The following LRRC7 variants were observed in gnomAD, a reference collection of about 807,000 sequenced individuals.
LRRC7 encodes leucine rich repeat containing 7.
Under a neutral mutation model 175.7 loss-of-function variants are expected in LRRC7, and 23 were observed. That is an observed-to-expected ratio of 0.13 (90% CI 0.09 to 0.19). The LOEUF (loss-of-function observed/expected upper bound fraction) is 0.19, where lower values mean the gene tolerates loss of function less well. LRRC7 is among the 10% of genes least tolerant of loss of function. The probability of loss-of-function intolerance (pLI) is 1.00; values close to 1 mark genes in which losing one functional copy is unlikely to be tolerated. For synonymous variants in LRRC7, 685 were observed against 680.9 expected, an observed-to-expected ratio of 1.01 and a Z score of -0.09; for missense variants, 1,354 against 1,904.7, an observed-to-expected ratio of 0.71 and a Z score of 5.38.
chr1:69,699,763 T>C (rs950517815), intron 2 of LRRC7, among the ~76,000 whole-genome samples: 4 of 152,204 alleles, frequency 2.6e-5, no homozygotes, highest in Non-Finnish European at 5.9e-5. Flanking sequence ...CTACTTCTGA[T>C]GGACAGGAAA....
At chr1:70,096,887 C>T (rs569652795) in intron 25 of LRRC7, among the ~76,000 whole-genome samples, 1 of 152,216 alleles carries the variant, frequency 6.6e-6, no homozygotes, top group South Asian at 2.1e-4. Flanking sequence ...ATGACTTTTA[C>T]TTCTAAATCT....
chr1:70,038,304 C>T lies in LRRC7; in HGVS notation c.2480C>T (p.Ala827Val), dbSNP rs144821920. ...FVAEETTAEN[A>V]NSNPLLSSKS... is the part of the protein sequence containing the mutation. ...GCTGAGGAAACCACAGCCGAGAATG[C>T]CAACAGTAATCCTCTCTTAAGTTCG... The change falls in exon 21 of 27, where the codon GCC becomes GTC. Residue 827 changes from alanine to valine, a missense_variant. Around this residue, in one of 4 missense-constraint regions of LRRC7, gnomAD observed 1,032 missense variants for 1,227.2 expected, o/e 0.84. Coordinates refer to ENST00000651989, the MANE Select transcript of LRRC7 (RefSeq NM_001370785.2). The T allele has an allele frequency of 6.2e-7, 1 of 1,614,080 alleles. No homozygotes were observed. The highest frequency in any genetic ancestry group is 8.5e-7 in the Non-Finnish European group (1 of 1,180,002).
At chr1:69,618,089 A>C (rs1402001544) in intron 1 of LRRC7, among the ~76,000 whole-genome samples, 1 of 152,096 alleles carries the variant, frequency 6.6e-6, no homozygotes, top group Non-Finnish European at 1.5e-5. Context: ...GGTGTCCCTT[A>C]ATTAGAGTTC....
chr1:69,791,936 C>G, intron 3 of LRRC7, 107 bp from the exon 4 acceptor site: 1 of 666,430 alleles, frequency 1.5e-6, no homozygotes, highest in Non-Finnish European at 2.6e-6. Flanking sequence ...TTATAACTGG[C>G]TCTTTTACTA....
chr1:69,699,960 T>G (rs2100692034), intron 2 of LRRC7, among the ~76,000 whole-genome samples: 1 of 152,340 alleles, frequency 6.6e-6, no homozygotes, highest in Admixed American at 6.5e-5. Flanking sequence ...CTCACTAAAC[T>G]GAAGTAGTAG....
intron 7 of LRRC7, among the ~76,000 whole-genome samples, chr1:69,906,203 G>T (rs1250806353): frequency 6.6e-5 from 10 of 152,064 alleles, no homozygotes; most frequent in Non-Finnish European, 1.5e-4. Context: ...CTCCCATTTT[G>T]TGGGTTGCCT....
At chr1:69,778,786 T>C (rs1183919206) in intron 3 of LRRC7, among the ~76,000 whole-genome samples, 1 of 152,038 alleles carries the variant, frequency 6.6e-6, no homozygotes, top group Non-Finnish European at 1.5e-5. Flanking sequence ...TCTCTCTGGC[T>C]CACTGACCTT....
At chr1:69,732,861 A>G (rs1187587935) in intron 2 of LRRC7, among the ~76,000 whole-genome samples, 1 of 152,074 alleles carries the variant, frequency 6.6e-6, no homozygotes, top group Non-Finnish European at 1.5e-5. Context: ...ATAGATATAA[A>G]GCATATTTAT....
At chr1:69,619,429 T>C (rs944082508) in intron 1 of LRRC7, among the ~76,000 whole-genome samples, 1 of 152,162 alleles carries the variant, frequency 6.6e-6, no homozygotes, top group African/African-American at 2.4e-5. Context: ...TCCTTATCAT[T>C]ATCATTCATT....
At chr1:69,919,166 A>G (rs894462662) in intron 7 of LRRC7, among the ~76,000 whole-genome samples, 2 of 152,182 alleles carry the variant, frequency 1.3e-5, no homozygotes, top group African/African-American at 4.8e-5. Flanking sequence ...GTTTAATTCT[A>G]ACTGCCACCA....
chr1:69,568,499 C>CCTT lies in LRRC7; in HGVS notation c.-138_-136dup, dbSNP rs1407091815. 1.1e-5 allele frequency: 7 copies of CCTT among 635,474 alleles called. No individual in the cohort carries two copies. Among genetic ancestry groups the CCTT allele is most frequent in the Non-Finnish European group, 1.4e-5 (6 of 421,140 alleles). The allele number at this position is 635,474 out of a possible 1,614,324, so 39.4% of individuals were successfully genotyped here. The stretch of plus-strand genomic sequence containing the variant: ...TCCCCTCTATCTCCTGTTCTTCCTA[C>CCTT]CTTCTACTCCTTCCCTCCTCTTCTC... On this transcript the variant is annotated 5_prime_UTR_variant, in exon 1 of 27. Coordinates refer to ENST00000651989, the MANE Select transcript of LRRC7 (RefSeq NM_001370785.2).
At chr1:69,604,307 C>A (rs1647218838) in intron 1 of LRRC7, among the ~76,000 whole-genome samples, 1 of 152,104 alleles carries the variant, frequency 6.6e-6, no homozygotes, top group African/African-American at 2.4e-5. Flanking sequence ...AAGTTAAATG[C>A]TACCATTTTA....
At chr1:69,927,346 T>C (rs928272558) in intron 7 of LRRC7, among the ~76,000 whole-genome samples, 171 of 152,332 alleles carry the variant, frequency 1.1e-3, no homozygotes, top group African/African-American at 4.0e-3. Context: ...TGAATCTGAA[T>C]GTTGGCCTGC....
At chr1:69,930,987 A>G (rs1237893802) in intron 7 of LRRC7, among the ~76,000 whole-genome samples, 1 of 152,206 alleles carries the variant, frequency 6.6e-6, no homozygotes, top group Non-Finnish European at 1.5e-5. Flanking sequence ...ACAGACCAAA[A>G]CTGTATCAGT....
chr1:70,085,208 A>T (rs201627691), intron 24 of LRRC7, among the ~76,000 whole-genome samples: 1 of 152,122 alleles, frequency 6.6e-6, no homozygotes, highest in Non-Finnish European at 1.5e-5. Context: ...ATCATTGCCT[A>T]ATCTAAGGTG....
intron 7 of LRRC7, chr1:69,919,816 C>T: frequency 2.6e-6 from 2 of 769,320 alleles, no homozygotes; most frequent in Non-Finnish European, 2.2e-6. Context: ...ATTCCGGCAT[C>T]CACGTCATTG....
At chr1:70,091,198 A>G (rs1283546954) in intron 25 of LRRC7, among the ~76,000 whole-genome samples, 1 of 152,178 alleles carries the variant, frequency 6.6e-6, no homozygotes, top group Non-Finnish European at 1.5e-5. Context: ...GATGTTGAGG[A>G]TACCATTGAT....
At chr1:70,092,877 T>C (rs1207827199) in intron 25 of LRRC7, among the ~76,000 whole-genome samples, 2 of 152,156 alleles carry the variant, frequency 1.3e-5, no homozygotes, top group Admixed American at 1.3e-4. Context: ...GAACAGCATC[T>C]CATCTAGCAA....
At chr1:70,053,257 G>A in intron 23 of LRRC7, 112 bp downstream of exon 23, 2 of 1,049,830 alleles carry the variant, frequency 1.9e-6, no homozygotes, top group Non-Finnish European at 2.6e-6. Context: ...TAACTTTAAG[G>A]TAAATATTAT....
Sources: gnomAD v4.1 joint callset for allele counts (sites outside exome capture counted in the v4.1 genomes callset) on GRCh38, gnomAD v4.1.1 for gene constraint, gnomAD v4.1.1 regional missense constraint, MANE v1.5 for transcripts, NCBI Gene and HGNC (gene_info 2026-07-23, HGNC 2026-07-21) for gene names.